Variants in CYB5A observed in about 807,000 individuals in gnomAD.
CYB5A encodes cytochrome b5.
In CYB5A, 10 loss-of-function variants were observed where a neutral mutation model predicts 16.2. The observed-to-expected ratio is 0.62, with a 90% confidence interval of 0.38 to 1.04. The LOEUF (loss-of-function observed/expected upper bound fraction) is 1.04, where lower values mean the gene tolerates loss of function less well. Ranked by LOEUF, CYB5A falls within the 50% of genes least tolerant of loss-of-function variation. The pLI is 0.01. For synonymous variants in CYB5A, 62 were observed against 57.0 expected (o/e 1.09, Z -0.40); for missense variants, 161 against 165.9 (o/e 0.97, Z 0.16).
chr18:74,265,639 G>A (rs929482554), intron 1 of CYB5A, among the ~76,000 whole-genome samples: 2 of 152,164 alleles, frequency 1.3e-5, no homozygotes, highest in African/African-American at 4.8e-5. Context: ...AGAAAACAGG[G>A]GTTACTTTGG....
At chr18:74,256,669 G>A (rs150177820) in intron 3 of CYB5A, 10,555 of 667,702 alleles carry the variant, frequency 0.016, 130 homozygotes, top group Non-Finnish European at 0.022. Flanking sequence ...GACAGCTTCA[G>A]ATCTGCAGTT....
chr18:74,262,959 G>A (rs150345619), intron 2 of CYB5A, among the ~76,000 whole-genome samples: 3,258 of 152,168 alleles, frequency 0.021, 119 homozygotes, highest in African/African-American at 0.073. Context: ...AGACCAGCCT[G>A]GGCAACACGG....
rs564230577 is a variant in CYB5A, at chr18:74,272,923, A to AAAAAC, written c.130-9451_130-9447dup. On this transcript the variant is annotated intron_variant, in intron 1 of 4. Coordinates refer to ENST00000340533, the MANE Select transcript of CYB5A (RefSeq NM_148923.4). Reference sequence around the variant, plus strand: ...GGCGACAAAAGCGAGACTCCATTGCAAAAACAAAACAAAACAAAACAAGAG... The same window carrying AAAAAC: ...GGCGACAAAAGCGAGACTCCATTGCAAAAACAAAACAAAACAAAACAAAACAAGAG... Among the ~76,000 whole-genome samples the AAAAAC allele has an allele frequency of 2.0e-4, 31 of 152,336 alleles. No individual in the cohort carries two copies. In the South Asian group the frequency reaches 4.6e-3, roughly 22 times the overall value.
chr18:74,262,026 G>T (rs115612867), intron 2 of CYB5A, among the ~76,000 whole-genome samples: 1 of 152,164 alleles, frequency 6.6e-6, no homozygotes, highest in Non-Finnish European at 1.5e-5. Flanking sequence ...AGCTCAGAGC[G>T]CTCGGCAACT....
At chr18:74,282,923 T>A (rs1008887018) in intron 1 of CYB5A, among the ~76,000 whole-genome samples, 23 of 152,122 alleles carry the variant, frequency 1.5e-4, no homozygotes, top group African/African-American at 5.6e-4. Flanking sequence ...AAGATCAAGT[T>A]TTTTTTGTGT....
At chr18:74,258,651 C>T (rs969942689) in intron 3 of CYB5A, 1 of 152,178 alleles carries the variant, frequency 6.6e-6, no homozygotes, top group Non-Finnish European at 1.5e-5. Flanking sequence ...AAACCAAAAG[C>T]ACAAGAAAGA....
At chr18:74,266,847 A>T (rs1178582728) in intron 1 of CYB5A, among the ~76,000 whole-genome samples, 1 of 77,908 alleles carries the variant, frequency 1.3e-5, no homozygotes, top group African/African-American at 4.3e-5. Context: ...TAAAAAAAAA[A>T]AAAACATAGC....
At chr18:74,262,139 C>T (rs1864849653) in intron 2 of CYB5A, among the ~76,000 whole-genome samples, 2 of 152,212 alleles carry the variant, frequency 1.3e-5, no homozygotes, top group South Asian at 4.1e-4. Flanking sequence ...AAAACCGTAA[C>T]ACAGCACAGT....
At chr18:74,279,121 T>C (rs969822066) in intron 1 of CYB5A, among the ~76,000 whole-genome samples, 10 of 152,216 alleles carry the variant, frequency 6.6e-5, no homozygotes, top group African/African-American at 1.7e-4. Context: ...TGCAACCCGA[T>C]GTCCTCAGAG....
intron 4 of CYB5A, 95 bp downstream of exon 4, chr18:74,255,646 G>T: frequency 9.9e-7 from 1 of 1,011,206 alleles, no homozygotes; most frequent in Non-Finnish European, 1.6e-6. Flanking sequence ...ACAGTGTCAG[G>T]CCCAGGAACC....
chr18:74,275,081 A>T (rs1291866294), intron 1 of CYB5A, among the ~76,000 whole-genome samples: 1 of 152,196 alleles, frequency 6.6e-6, no homozygotes, highest in Non-Finnish European at 1.5e-5. Context: ...CTGCAGCTAA[A>T]TCAAATGCCT....
chr18:74,270,811 G>T (rs1274925898), intron 1 of CYB5A, among the ~76,000 whole-genome samples: 1 of 152,106 alleles, frequency 6.6e-6, no homozygotes, highest in Admixed American at 6.5e-5. Flanking sequence ...ATCGAGGGAG[G>T]TCCTAGAGGA....
chr18:74,274,577 A>G (rs753968977), intron 1 of CYB5A, among the ~76,000 whole-genome samples: 17 of 152,194 alleles, frequency 1.1e-4, no homozygotes, highest in Non-Finnish European at 2.2e-4. Flanking sequence ...ACTTATTCAG[A>G]AGCTGGTCAC....
rs2156326 is a variant in CYB5A at position 74,252,520 on chromosome 18, T to C, written c.*1064A>G. On this transcript the variant is annotated 3_prime_UTR_variant, in exon 5 of 5. Transcript: ENST00000340533. ...TTCCTTAGAAGAGTTTACAAACAAT[T>C]CTACTCTCTGAATGAGGAATTCTTA... 0.11 allele frequency: 16,397 copies of C among 152,166 alleles called. 979 individuals are homozygous for C. The highest frequency in any genetic ancestry group is 0.21 in the South Asian group (1,028 of 4,808). The allele number at this position is 152,166 out of a possible 1,614,324, so 9.4% of individuals were successfully genotyped here.
intron 1 of CYB5A, among the ~76,000 whole-genome samples, chr18:74,279,622 T>C (rs1419872143): frequency 1.3e-5 from 2 of 152,050 alleles, no homozygotes; most frequent in Non-Finnish European, 2.9e-5. Context: ...GAAAGCAGGA[T>C]TGACAGTGGC....
intron 1 of CYB5A, among the ~76,000 whole-genome samples, chr18:74,270,028 T>A (rs1349236108): frequency 6.6e-6 from 1 of 152,158 alleles, no homozygotes; most frequent in Non-Finnish European, 1.5e-5. Flanking sequence ...TTCCCACTGC[T>A]GTTAACAAAC....
chr18:74,265,499 A>G (rs1353417339), intron 1 of CYB5A, among the ~76,000 whole-genome samples: 4 of 152,242 alleles, frequency 2.6e-5, no homozygotes, highest in African/African-American at 4.8e-5. Flanking sequence ...ATCTATGAAC[A>G]TATGTGTCTG....
At chr18:74,286,768 C>T (rs1983336721) in intron 1 of CYB5A, among the ~76,000 whole-genome samples, 1 of 152,226 alleles carries the variant, frequency 6.6e-6, no homozygotes, top group African/African-American at 2.4e-5. Context: ...GAGGACTTTT[C>T]AGAATACCAG....
chr18:74,289,500 G>A (rs1032782414), intron 1 of CYB5A, among the ~76,000 whole-genome samples: 2 of 152,184 alleles, frequency 1.3e-5, no homozygotes, highest in East Asian at 3.9e-4. Flanking sequence ...GTAGGGCTGG[G>A]AGCAGTGGCT....
Sources: gnomAD v4.1 joint callset for allele counts (sites outside exome capture counted in the v4.1 genomes callset) on GRCh38, gnomAD v4.1.1 for gene constraint, MANE v1.5 for transcripts, NCBI Gene and HGNC (gene_info 2026-07-23, HGNC 2026-07-21) for gene names.